Variants in WDR1 observed in about 807,000 individuals in gnomAD.
The protein encoded by WDR1 is WD repeat domain 1, also known as WD repeat-containing protein 1.
WDR1 carries 21 observed loss-of-function variants against 71.9 expected under a neutral mutation model. That is an observed-to-expected ratio of 0.29 (90% CI 0.21 to 0.42). WDR1 has a LOEUF of 0.42. Among genes scored for constraint, WDR1 ranks in the 10% least tolerant of loss-of-function variants. The pLI is 1.00. For missense variants in WDR1, 696 were observed against 824.5 expected, an observed-to-expected ratio of 0.84 and a Z score of 1.91; for synonymous variants, 424 against 347.4, an observed-to-expected ratio of 1.22 and a Z score of -2.45.
At chr4:10,087,059 C>A (rs781037883) in intron 8 of WDR1, among the ~76,000 whole-genome samples, 33 of 152,182 alleles carry the variant, frequency 2.2e-4, no homozygotes, top group Admixed American at 8.5e-4. Flanking sequence ...CTCAAGTGAA[C>A]CCTTCCGGGT....
chr4:10,107,793 C>T (rs1047133435), intron 2 of WDR1, among the ~76,000 whole-genome samples: 3 of 152,172 alleles, frequency 2.0e-5, no homozygotes, highest in Non-Finnish European at 4.4e-5. Flanking sequence ...GAGTCACACA[C>T]GCGAGCAGAC....
chr4:10,091,170 GTC>G (rs1174166028), intron 5 of WDR1, among the ~76,000 whole-genome samples: 5 of 152,268 alleles, frequency 3.3e-5, no homozygotes, highest in Admixed American at 6.5e-5. Flanking sequence ...CTGGACGGTC[GTC>G]TCTGGCTATG....
At position 10,088,391 on chromosome 4, in the gene WDR1, C is replaced by T. The variant is rs921469369; in HGVS notation, c.637-18G>A. 1.5e-5 allele frequency: 23 copies of T among 1,550,280 alleles called. No homozygotes were observed. Among genetic ancestry groups the T allele is most frequent in the Non-Finnish European group, 1.8e-5 (21 of 1,145,582 alleles). ...ATGTATATCTTCCAAGAAATAAAAA[C>T]ATGTGGGTCATGTGTGTGTGAACAC... On this transcript the variant is annotated intron_variant, in intron 6 of 14. Coordinates refer to ENST00000499869, the MANE Select transcript of WDR1 (RefSeq NM_017491.5).
intron 2 of WDR1, among the ~76,000 whole-genome samples, chr4:10,112,611 G>T (rs1477933847): frequency 6.6e-6 from 1 of 152,188 alleles, no homozygotes; most frequent in Non-Finnish European, 1.5e-5. Flanking sequence ...ATGACAGAGG[G>T]GGCTCCAAGT....
chr4:10,079,746 TTC>T (rs1764943538), intron 11 of WDR1, among the ~76,000 whole-genome samples: 1 of 152,198 alleles, frequency 6.6e-6, no homozygotes, highest in Non-Finnish European at 1.5e-5. Flanking sequence ...CCGTCTGGGC[TTC>T]TGTTTCTGCG....
intron 2 of WDR1, among the ~76,000 whole-genome samples, chr4:10,105,619 C>T (rs1712969145): frequency 6.6e-6 from 1 of 152,154 alleles, no homozygotes; most frequent in African/African-American, 2.4e-5. Context: ...CTGACATCAC[C>T]AAGTGCTGGC....
chr4:10,081,147 A>G (rs891094650), intron 11 of WDR1, among the ~76,000 whole-genome samples: 1 of 152,228 alleles, frequency 6.6e-6, no homozygotes, highest in Non-Finnish European at 1.5e-5. Context: ...TGGACAACCA[A>G]TTTATCCATT....
intron 5 of WDR1, among the ~76,000 whole-genome samples, chr4:10,090,402 G>T (rs187579457): frequency 1.3e-5 from 2 of 152,188 alleles, no homozygotes; most frequent in Non-Finnish European, 2.9e-5. Flanking sequence ...CACAAAGTCC[G>T]TCAGAGTCAG....
intron 9 of WDR1, among the ~76,000 whole-genome samples, chr4:10,083,991 C>G (rs141899745): frequency 4.6e-5 from 7 of 152,224 alleles, no homozygotes; most frequent in Admixed American, 1.3e-4. Flanking sequence ...GGCACATCAG[C>G]TCTCTGGGCT....
At chr4:10,096,352 C>T (rs3796818) in intron 5 of WDR1, 25,143 of 152,310 alleles carry the variant, frequency 0.17, 2,580 homozygotes, top group Middle Eastern at 0.24. Context: ...TCCACCCTAG[C>T]GAAGAAACAT....
In WDR1 at chr4:10,099,153, C is replaced by T. The variant is rs561941042; in HGVS notation, c.230-14G>A. The T allele has an allele frequency of 9.7e-5, 26 of 266,742 alleles. 1 individual carries two copies. The highest frequency in any genetic ancestry group is 4.6e-4 in the South Asian group (11 of 24,024). 16.5% of individuals were successfully genotyped at this position (266,742 alleles called of 1,614,324 possible). A position where few individuals can be genotyped will look rare whatever the true frequency, so the allele number is the denominator to read the frequency against. ...TCCCAGACACATCTGTGGGGCACAG[C>T]GGGCGGGGGAGGGGGGGAGGCGGTG... is the stretch of plus-strand genomic sequence containing the variant. On this transcript the variant is annotated splice_polypyrimidine_tract_variant and intron_variant, in intron 3 of 14. Coordinates refer to ENST00000499869, the MANE Select transcript of WDR1 (RefSeq NM_017491.5).
intron 13 of WDR1, 88 bp from the exon 14 acceptor site, chr4:10,077,536 A>C: frequency 6.3e-7 from 1 of 1,583,288 alleles, no homozygotes; most frequent in Non-Finnish European, 8.6e-7. Context: ...CATGGCGACA[A>C]TAAGGACCGA....
intron 13 of WDR1, 118 bp from the exon 14 acceptor site, chr4:10,077,566 C>G (rs978214866): frequency 3.9e-6 from 6 of 1,525,852 alleles, no homozygotes; most frequent in Non-Finnish European, 5.3e-6. Context: ...CGCGCTAACT[C>G]TATGCCAGCG....
intron 6 of WDR1, 84 bp downstream of exon 6, chr4:10,088,580 G>C (rs774831335): frequency 1.0e-4 from 132 of 1,281,608 alleles, no homozygotes; most frequent in Admixed American, 1.4e-4. Flanking sequence ...GTCAGGACTA[G>C]CATTAGGCAG....
At chr4:10,082,895 G>T in intron 10 of WDR1, 127 bp downstream of exon 10, 1 of 1,230,196 alleles carries the variant, frequency 8.1e-7, no homozygotes, top group African/African-American at 1.5e-5. Context: ...AACAATGCTG[G>T]GGACGGGGTG....
chr4:10,113,860 TTAGGGGAA>T (rs1713543058), intron 2 of WDR1, among the ~76,000 whole-genome samples: 2 of 152,238 alleles, frequency 1.3e-5, no homozygotes, highest in Non-Finnish European at 2.9e-5. Context: ...GTGTTCCCTT[TTAGGGGAA>T]GAGCACGTGG....
At chr4:10,109,300 G>A (rs1467818686) in intron 2 of WDR1, among the ~76,000 whole-genome samples, 2 of 152,248 alleles carry the variant, frequency 1.3e-5, no homozygotes, top group Non-Finnish European at 2.9e-5. Flanking sequence ...AGCACGGTGA[G>A]TCAAGGGAGG....
intron 2 of WDR1, among the ~76,000 whole-genome samples, chr4:10,114,813 C>A (rs1713609240): frequency 6.6e-6 from 1 of 152,202 alleles, no homozygotes; most frequent in Non-Finnish European, 1.5e-5. Context: ...AGCACATTCA[C>A]ACCCGCCCAC....
chr4:10,080,773 T>C (rs1188501270), intron 11 of WDR1, among the ~76,000 whole-genome samples: 1 of 152,236 alleles, frequency 6.6e-6, no homozygotes, highest in Non-Finnish European at 1.5e-5. Flanking sequence ...CCCCACTGTC[T>C]GGGGTTAGAA....
Sources: allele counts gnomAD v4.1 joint callset (sites outside exome capture counted in the v4.1 genomes callset), GRCh38; gene constraint gnomAD v4.1.1; transcripts MANE v1.5; gene names NCBI Gene and HGNC (gene_info 2026-07-23, HGNC 2026-07-21).